TTN: variants seen among roughly 807,000 people sequenced by gnomAD.
The protein encoded by TTN is connectin.
TTN carries 1,525 observed loss-of-function variants against 3,223.0 expected under a neutral mutation model. That is an observed-to-expected ratio of 0.47 (90% CI 0.45 to 0.49). The LOEUF (loss-of-function observed/expected upper bound fraction) is 0.49, where lower values mean the gene tolerates loss of function less well. Ranked by LOEUF, TTN falls within the 20% of genes least tolerant of loss-of-function variation. The pLI, the probability that TTN is intolerant of heterozygous loss-of-function variation, is 0.00. For missense variants in TTN, 40,786 were observed against 43,424.0 expected (o/e 0.94, Z 5.40); for synonymous variants, 14,094 against 15,161.0 (o/e 0.93, Z 5.17).
At chr2:178,549,544 A>T (rs368178277) in intron 338 of TTN, 26 bp downstream of exon 338, 2 of 1,603,616 alleles carry the variant, frequency 1.2e-6, no homozygotes, top group Non-Finnish European at 1.7e-6. Context: ...TTGACATAGT[A>T]CCGCTTAGTA....
Position 178,546,436 on chromosome 2 carries a change from T to G in TTN, c.94895A>C (p.Asp31632Ala). Residue 31632 changes from aspartate to alanine, a missense_variant, in exon 342 of 363, where the codon GAT (aspartate) becomes GCT (alanine). Asp to Ala is a moderately radical substitution (Grantham distance 126). Transcript: ENST00000589042. ...ACCAACTGCAGCATCCAGAACAAGA[T>G]CAGAACCTGCTCTGATGGTAACCAG... is the stretch of plus-strand genomic sequence containing the variant. ...GDLVTIRAGS[D>A]LVLDAAVGGK... 6.2e-7 allele frequency: 1 copy of G among 1,613,706 alleles called. No individual in the cohort carries two copies. Among genetic ancestry groups the G allele is most frequent in the Non-Finnish European group, 8.5e-7 (1 of 1,179,746 alleles).
chr2:178,567,607 G>A lies in TTN; in HGVS notation c.78525C>T (p.Pro26175=). The A allele has an allele frequency of 3.1e-6, 5 of 1,611,842 alleles. No homozygotes were observed. Among genetic ancestry groups the A allele is most frequent in the Non-Finnish European group, 1.7e-6 (2 of 1,178,584 alleles). The change falls in exon 326 of 363, where the codon CCC becomes CCT. Residue 26175 remains proline (P), a synonymous_variant. Transcript: ENST00000589042. ...CAGTTATTGGTCCAGTACTGTCAGAGGGTTTACTTATTGCACCAGCTGCAT... is the reference window on the plus strand; with the variant it reads ...CAGTTATTGGTCCAGTACTGTCAGAAGGTTTACTTATTGCACCAGCTGCAT... ...AKNAAGAISK[P]SDSTGPITAK... is the part of the protein sequence containing the mutation.
At position 178,740,605 on chromosome 2, in the gene TTN, C is replaced by T. The variant is rs1205660032; in HGVS notation, c.12628G>A (p.Glu4210Lys). 3 of 1,613,848 alleles carry T rather than the reference C, an allele frequency of 1.9e-6. No individual in the cohort carries two copies. The highest frequency in any genetic ancestry group is 2.5e-6 in the Non-Finnish European group (3 of 1,179,816). ...ATTGAAGACTGTGGATAATTCCCTT[C>T]AGGTTCAGCTAATAAAGTTTTCAGA... The part of the protein sequence containing the change: ...EPLKTLLAEP[E>K]GNYPQSSIEP... The change falls in exon 48 of 363, where the codon GAA (glutamate) becomes AAA (lysine). Residue 4210 changes from glutamate (E) to lysine (K), a missense_variant. Physicochemically the swap from Glu to Lys is moderately conservative, Grantham distance 56. Coordinates refer to ENST00000589042, the MANE Select transcript of TTN (RefSeq NM_001267550.2).
chr2:178,753,002 G>C (rs1027447587), intron 47 of TTN, 122 bp downstream of exon 47: 9 of 723,242 alleles, frequency 1.2e-5, no homozygotes, highest in South Asian at 9.5e-5. Context: ...TATACTCTAA[G>C]AGATATATTT....
chr2:178,803,222 A>G (rs1160195243), intron 2 of TTN, among the ~76,000 whole-genome samples: 2 of 152,126 alleles, frequency 1.3e-5, no homozygotes, highest in African/African-American at 2.4e-5. Flanking sequence ...GGCCAATTAA[A>G]TAGTTTATTG....
Position 178,537,912 on chromosome 2 carries a change from C to G in TTN, c.99295G>C (p.Glu33099Gln), listed in dbSNP as rs754827854. Residue 33099 changes from glutamate to glutamine, a missense_variant, in exon 355 of 363, where the codon GAG becomes CAG. Glu to Gln is a conservative substitution (Grantham distance 29). Coordinates refer to ENST00000589042, the MANE Select transcript of TTN (RefSeq NM_001267550.2). ...MSIKTKLTSGEAPGIRKEMKD... is the reference protein window; with the variant it reads ...MSIKTKLTSGQAPGIRKEMKD... ...ATTTCTTTGCGTATTCCTGGGGCCTCTCCAGCTGAACAATATGAAAGATAA... is the reference window on the plus strand; with the variant it reads ...ATTTCTTTGCGTATTCCTGGGGCCTGTCCAGCTGAACAATATGAAAGATAA... 14 of 1,605,762 alleles carry G rather than the reference C, an allele frequency of 8.7e-6. No individual in the cohort carries two copies. The African/African-American group carries it at 1.5e-4, about 17-fold the overall frequency.
chr2:178,719,982 C>G lies in TTN; in HGVS notation c.23659+1G>C. On this transcript the variant is annotated splice_donor_variant, in intron 81 of 362. Coordinates refer to ENST00000589042, the MANE Select transcript of TTN (RefSeq NM_001267550.2). LOFTEE classifies it high-confidence loss of function. ...TTCTCTGGCTGTGCTTTGCTACTAA[C>G]CTAGTACAGTCAAGACTGCAGAGCA... The G allele has an allele frequency of 6.2e-7, 1 of 1,603,272 alleles. No individual in the cohort carries two copies.
At chr2:178,678,718 A>C in intron 143 of TTN, 29 bp downstream of exon 143, 1 of 1,593,088 alleles carries the variant, frequency 6.3e-7, no homozygotes, top group Non-Finnish European at 8.5e-7. Context: ...TGTGAAATAA[A>C]AATATTGCAA....
chr2:178,566,314 A>T lies in TTN; in HGVS notation c.79818T>A (p.Ala26606=), dbSNP rs1353783761. The change falls in exon 326 of 363, where the codon GCT becomes GCA. Residue 26606 remains alanine (A), a synonymous_variant. Transcript: ENST00000589042. ...GAATGTGAATTCTGGCAGATCCACC[A>T]GCTCTTACAACAATTCCTTTTCTTA... is the stretch of plus-strand genomic sequence containing the variant. ...SELRKGIVVR[A]GGSARIHIPF... 4.3e-6 allele frequency: 7 copies of T among 1,613,542 alleles called. No homozygotes were observed. The East Asian group carries it at 1.6e-4, about 36-fold the overall frequency.
At chr2:178,769,571 G>T in intron 37 of TTN, 108 bp downstream of exon 37, 1 of 1,011,830 alleles carries the variant, frequency 9.9e-7, no homozygotes, top group Non-Finnish European at 1.3e-6. Flanking sequence ...CCCAATCAAG[G>T]ATTTTTGAGT....
At chr2:178,650,654 T>C in intron 209 of TTN, 97 bp downstream of exon 209, 1 of 1,170,744 alleles carries the variant, frequency 8.5e-7, no homozygotes, top group Non-Finnish European at 1.2e-6. Flanking sequence ...GGTTAGAAAA[T>C]GACCAAGAAA....
rs869312081 is a variant in TTN, at chr2:178,552,996, ATAAT to A, written c.89900_89903del (p.Asn29967MetfsTer27). 4 of 1,611,910 alleles carry A rather than the reference ATAAT, an allele frequency of 2.5e-6. No individual in the cohort carries two copies. The highest frequency in any genetic ancestry group is 1.7e-5 in the Admixed American group (1 of 59,988). On this transcript the variant is annotated frameshift_variant, in exon 335 of 363. Transcript: ENST00000589042. LOFTEE classifies it high-confidence loss of function. ...TGGTGGCATCTCTCTTTTCAATGACATAATTAATTATTGGAGATCCTCCATCAAT... is the reference window on the plus strand; with the variant it reads ...TGGTGGCATCTCTCTTTTCAATGACATAATTATTGGAGATCCTCCATCAAT...
Position 178,702,615 on chromosome 2 carries a change from T to C in TTN, c.30272A>G (p.Glu10091Gly). ...ACACTCAAAGGTGGCAGACTGATGC[T>C]CACTCACCACGATGTTCTGTATGCG... ...TKRIQNIVVS[E>G]HQSATFECEV... The change falls in exon 107 of 363, where the codon GAG becomes GGG. Residue 10091 changes from glutamate (E) to glycine (G), a missense_variant. By Grantham distance (98) the Glu-to-Gly change is moderately conservative. Coordinates refer to ENST00000589042, the MANE Select transcript of TTN (RefSeq NM_001267550.2). 6.2e-7 allele frequency: 1 copy of C among 1,614,028 alleles called. No homozygotes were observed. The highest frequency in any genetic ancestry group is 8.5e-7 in the Non-Finnish European group (1 of 1,179,874).
chr2:178,559,777 A>G lies in TTN; in HGVS notation c.86355T>C (p.Asn28785=), dbSNP rs745857020. The G allele has an allele frequency of 2.6e-5, 42 of 1,605,014 alleles. No homozygotes were observed. The Admixed American group carries it at 4.7e-4, about 18-fold the overall frequency. ...CAGTGTCTGGCTTACTCCACAAGAC[A>G]TTGGGTACTGGTCTTCCTCGGAAAG... ...TVPFRGRPVP[N]VLWSKPDTDL... The change falls in exon 326 of 363, where the codon AAT becomes AAC. Residue 28785 remains asparagine (N), a synonymous_variant. Transcript: ENST00000589042.
chr2:178,536,519 C>T lies in TTN; in HGVS notation c.100228G>A (p.Val33410Ile), dbSNP rs1691577355. Residue 33410 changes from valine to isoleucine, a missense_variant, in exon 357 of 363, where the codon GTT becomes ATT. By Grantham distance (29) the Val-to-Ile change is conservative. Coordinates refer to ENST00000589042, the MANE Select transcript of TTN (RefSeq NM_001267550.2). ...TITAVTKDSCVVAWKPPASDG... is the reference protein window; with the variant it reads ...TITAVTKDSCIVAWKPPASDG... ...CTGGCAGGTGGCTTCCAGGCCACAA[C>T]ACAAGAATCTTTTGTGACAGCAGTA... is the stretch of plus-strand genomic sequence containing the variant. The T allele has an allele frequency of 6.5e-7, 1 of 1,535,904 alleles. No individual in the cohort carries two copies. The highest frequency in any genetic ancestry group is 8.7e-7 in the Non-Finnish European group (1 of 1,145,234).
At position 178,741,863 on chromosome 2, in the gene TTN, T is replaced by A. The variant is rs72648918; in HGVS notation, c.11370A>T (p.Gln3790His). The change falls in exon 48 of 363, where the codon CAA becomes CAT. Residue 3790 changes from glutamine (Q) to histidine (H), a missense_variant. Physicochemically the swap from Gln to His is conservative, Grantham distance 24. Transcript: ENST00000589042. Reference sequence around the variant, plus strand: ...CAAGTGTTTCATTTATTTTAGATAATTGAAGTTCGGCGCTATGAAGTCCTT... The same window carrying A: ...CAAGTGTTTCATTTATTTTAGATAAATGAAGTTCGGCGCTATGAAGTCCTT... Reference protein sequence around the residue: ...EEEGLHSAELQLSKINETLEL... With the variant: ...EEEGLHSAELHLSKINETLEL... 2 of 1,591,388 alleles carry A rather than the reference T, an allele frequency of 1.3e-6. No individual in the cohort carries two copies. Among genetic ancestry groups the A allele is most frequent in the African/African-American group, 2.7e-5 (2 of 74,608 alleles).
At chr2:178,611,328 A>C in intron 269 of TTN, 44 bp downstream of exon 269, 1 of 1,610,684 alleles carries the variant, frequency 6.2e-7, no homozygotes, top group Non-Finnish European at 8.5e-7. Flanking sequence ...GCAATGCATG[A>C]ATAAAGGGTA....
chr2:178,736,895 G>A (rs77069969), intron 49 of TTN, among the ~76,000 whole-genome samples: 2 of 152,288 alleles, frequency 1.3e-5, no homozygotes, highest in African/African-American at 4.8e-5. Flanking sequence ...AGAAGAGGAA[G>A]CTATAGGGAA....
rs1708064976 is a variant in TTN at position 178,571,205 on chromosome 2, C to T, written c.74927G>A (p.Gly24976Asp). ...TKFKTTGLEEGVEYEFRVSAE... is the reference protein window; with the variant it reads ...TKFKTTGLEEDVEYEFRVSAE... The stretch of plus-strand genomic sequence containing the variant: ...AGAGACTCTAAATTCATATTCAACA[C>T]CTTCTTCAAGGCCAGTTGTCTTAAA... Residue 24976 changes from glycine (G) to aspartate (D), a missense_variant, in exon 326 of 363, where the codon GGT (glycine) becomes GAT (aspartate). By Grantham distance (94) the Gly-to-Asp change is moderately conservative (BLOSUM62 -1). Coordinates refer to ENST00000589042, the MANE Select transcript of TTN (RefSeq NM_001267550.2). The T allele has an allele frequency of 6.2e-7, 1 of 1,613,434 alleles. No individual in the cohort carries two copies. The highest frequency in any genetic ancestry group is 1.7e-5 in the Admixed American group (1 of 59,974).
Sources: allele counts gnomAD v4.1 joint callset (sites outside exome capture counted in the v4.1 genomes callset), GRCh38; gene constraint gnomAD v4.1.1; transcripts MANE v1.5; gene names NCBI Gene and HGNC (gene_info 2026-07-23, HGNC 2026-07-21).